LARGE1: variants seen among roughly 807,000 people sequenced by gnomAD.
LARGE1 encodes the protein LARGE xylosyl- and glucuronyltransferase 1.
LARGE1 carries 43 observed loss-of-function variants against 87.6 expected under a neutral mutation model. The ratio of observed to expected loss-of-function variants is 0.49; its 90% confidence interval spans 0.38 to 0.63. LARGE1 has a LOEUF of 0.63. Among genes scored for constraint, LARGE1 ranks in the 30% least tolerant of loss-of-function variants. The probability of loss-of-function intolerance (pLI) is 0.00; values close to 1 mark genes in which losing one functional copy is unlikely to be tolerated. For synonymous variants in LARGE1, 434 were observed against 394.6 expected (o/e 1.10, Z -1.18); for missense variants, 802 against 1,000.2 (o/e 0.80, Z 2.67).
At chr22:33,100,474 A>G in the LARGE1 span, among the ~76,000 whole-genome samples, 6 of 152,160 alleles carry the variant, frequency 3.9e-5, no homozygotes, top group African/African-American at 1.4e-4. Context: ...GTGTAGCCAC[A>G]TGCGGCCCAA....
intron 11 of LARGE1, among the ~76,000 whole-genome samples, chr22:33,213,440 T>C (rs1040527770): frequency 5.9e-5 from 9 of 152,208 alleles, no homozygotes; most frequent in African/African-American, 2.2e-4. Context: ...GATAAAACGC[T>C]ATCAAACAGC....
At chr22:33,648,395 T>C (rs1409234320) in intron 3 of LARGE1, among the ~76,000 whole-genome samples, 1 of 152,226 alleles carries the variant, frequency 6.6e-6, no homozygotes, top group Non-Finnish European at 1.5e-5. Context: ...CCTCGATTCT[T>C]ATTTGTTCTT....
the LARGE1 span, among the ~76,000 whole-genome samples, chr22:33,153,326 C>T: frequency 6.6e-6 from 1 of 152,204 alleles, no homozygotes; most frequent in Admixed American, 6.5e-5. Context: ...CAGCACCAAG[C>T]TTTCACTGAC....
chr22:33,162,775 C>A (rs1343696372), exon 12 of LARGE1: 1 of 152,154 alleles, frequency 6.6e-6, no homozygotes, highest in Non-Finnish European at 1.5e-5. Context: ...TAACAATTGA[C>A]TGAAAGTTAC....
chr22:33,274,674 G>T, intron 14 of LARGE1, 50 bp from the exon 15 acceptor site: 1 of 1,520,230 alleles, frequency 6.6e-7, no homozygotes, highest in Non-Finnish European at 9.1e-7. Flanking sequence ...CGAGGGTCAT[G>T]CATGATGAAG....
chr22:33,623,825 G>A (rs1210789220), intron 4 of LARGE1, among the ~76,000 whole-genome samples: 2 of 152,132 alleles, frequency 1.3e-5, no homozygotes, highest in East Asian at 1.9e-4. Context: ...GAGGTCAGGA[G>A]TTTGGGACCA....
intron 4 of LARGE1, among the ~76,000 whole-genome samples, chr22:33,617,981 G>A (rs1284265756): frequency 6.6e-6 from 1 of 152,172 alleles, no homozygotes; most frequent in African/African-American, 2.4e-5. Context: ...AGGCAATCTA[G>A]GGCCTGTTTT....
intron 5 of LARGE1, among the ~76,000 whole-genome samples, chr22:33,593,959 T>G (rs923681484): frequency 6.6e-6 from 1 of 152,202 alleles, no homozygotes; most frequent in Non-Finnish European, 1.5e-5. Flanking sequence ...CTGAGTAATC[T>G]GAACAAGTCT....
intron 11 of LARGE1, among the ~76,000 whole-genome samples, chr22:33,216,648 T>C (rs1360038054): frequency 2.7e-5 from 4 of 147,014 alleles, no homozygotes; most frequent in South Asian, 2.2e-4. Context: ...AAGACAAGGA[T>C]TGTAGAAAGC....
intron 2 of LARGE1, among the ~76,000 whole-genome samples, chr22:33,691,021 C>T (rs984263269): frequency 6.6e-6 from 1 of 152,200 alleles, no homozygotes; most frequent in Admixed American, 6.5e-5. Context: ...CCAGAGCTGG[C>T]AGGGCACCAG....
At chr22:33,294,213 T>C (rs1932935638) in intron 12 of LARGE1, among the ~76,000 whole-genome samples, 1 of 152,248 alleles carries the variant, frequency 6.6e-6, no homozygotes, top group South Asian at 2.1e-4. Context: ...TTGCAATAAA[T>C]GGCTGAGGCC....
chr22:33,825,007 G>C (rs866145166), intron 1 of LARGE1, among the ~76,000 whole-genome samples: 1 of 152,142 alleles, frequency 6.6e-6, no homozygotes, highest in Non-Finnish European at 1.5e-5. Context: ...TTTCTTATTT[G>C]CAAGATGAGG....
chr22:33,410,815 C>T (rs939690425), intron 7 of LARGE1, among the ~76,000 whole-genome samples: 6 of 152,056 alleles, frequency 3.9e-5, no homozygotes, highest in South Asian at 2.1e-4. Flanking sequence ...GCAAAATCAA[C>T]GAACCTTGCT....
At chr22:33,698,547 C>T (rs773393195) in intron 2 of LARGE1, among the ~76,000 whole-genome samples, 1 of 152,194 alleles carries the variant, frequency 6.6e-6, no homozygotes, top group Non-Finnish European at 1.5e-5. Flanking sequence ...TAGCCTCAAG[C>T]GATCTGCCCG....
chr22:33,365,229 A>C (rs2064543293), intron 9 of LARGE1, among the ~76,000 whole-genome samples: 1 of 151,992 alleles, frequency 6.6e-6, no homozygotes, highest in Admixed American at 6.6e-5. Flanking sequence ...CCACTTCTCC[A>C]TTTGTGACCT....
chr22:33,315,321 G>A (rs918150186), intron 11 of LARGE1, among the ~76,000 whole-genome samples: 2 of 152,208 alleles, frequency 1.3e-5, no homozygotes, highest in Admixed American at 1.3e-4. Context: ...CCTGGACAAG[G>A]TTGAGAAGCA....
chr22:33,613,027 A>G (rs1006974342), intron 4 of LARGE1, among the ~76,000 whole-genome samples: 1 of 152,204 alleles, frequency 6.6e-6, no homozygotes, highest in African/African-American at 2.4e-5. Context: ...AGGTGTCTGC[A>G]TTGTCAAAGG....
At chr22:33,443,650 C>A (rs1049904897) in intron 6 of LARGE1, among the ~76,000 whole-genome samples, 1 of 152,176 alleles carries the variant, frequency 6.6e-6, no homozygotes, top group Non-Finnish European at 1.5e-5. Context: ...TTTCTTCTGC[C>A]AAGATCCAAG....
chr22:33,151,124 T>G, the LARGE1 span, among the ~76,000 whole-genome samples: 1 of 152,222 alleles, frequency 6.6e-6, no homozygotes, highest in Non-Finnish European at 1.5e-5. Flanking sequence ...TTGATTTCTT[T>G]GAAGAGGAGC....
Sources: allele counts gnomAD v4.1 joint callset (sites outside exome capture counted in the v4.1 genomes callset), GRCh38; gene constraint gnomAD v4.1.1; transcripts MANE v1.5; gene names NCBI Gene and HGNC (gene_info 2026-07-23, HGNC 2026-07-21).